The following EFTUD2 variants were observed in gnomAD, a reference collection of about 807,000 sequenced individuals.
The protein encoded by EFTUD2 is 116 kDa U5 small nuclear ribonucleoprotein component.
In EFTUD2, 9 loss-of-function variants were observed where a neutral mutation model predicts 114.3. The ratio of observed to expected loss-of-function variants is 0.08; its 90% confidence interval spans 0.05 to 0.14. The LOEUF (loss-of-function observed/expected upper bound fraction) is 0.14, where lower values mean the gene tolerates loss of function less well. Among genes scored for constraint, EFTUD2 ranks in the 10% least tolerant of loss-of-function variants. EFTUD2 has a pLI of 1.00. For missense variants in EFTUD2, 765 were observed against 1,241.2 expected (o/e 0.62, Z 5.76); for synonymous variants, 449 against 462.3 (o/e 0.97, Z 0.37).
intron 13 of EFTUD2, among the ~76,000 whole-genome samples, chr17:44,867,192 T>C (rs2050761437): frequency 6.6e-6 from 1 of 152,182 alleles, no homozygotes; most frequent in African/African-American, 2.4e-5. Flanking sequence ...TTTCCGTAAC[T>C]GAAATGATTA....
chr17:44,875,889 C>T (rs1346727886), intron 10 of EFTUD2, 45 bp downstream of exon 10: 5 of 1,596,616 alleles, frequency 3.1e-6, no homozygotes, highest in Non-Finnish European at 4.3e-6. Context: ...GGGTTAAAAC[C>T]CAGAGCCTCC....
At chr17:44,859,837 G>C in intron 18 of EFTUD2, 68 bp downstream of exon 18, 1 of 1,605,182 alleles carries the variant, frequency 6.2e-7, no homozygotes. Flanking sequence ...GATGGGAAGC[G>C]GTGTGCAGCT....
chr17:44,881,489 C>T (rs1338931069), intron 7 of EFTUD2, among the ~76,000 whole-genome samples, 198 bp downstream of exon 7: 1 of 152,236 alleles, frequency 6.6e-6, no homozygotes, highest in Non-Finnish European at 1.5e-5. Flanking sequence ...TCCTAACCTA[C>T]AGCTTGCCTA....
Position 44,851,157 on chromosome 17 carries a change from A to G in EFTUD2, c.*117T>C. 5 of 835,272 alleles carry G rather than the reference A, an allele frequency of 6.0e-6. No individual in the cohort carries two copies. Among genetic ancestry groups the G allele is most frequent in the Non-Finnish European group, 1.0e-5 (5 of 497,322 alleles). The allele number at this position is 835,272 out of a possible 1,614,324, so 51.7% of individuals were successfully genotyped here. ...GGTTGGTGAGTTGTTCAAGATGGCA[A>G]CAGCAGCTTCCAGACACTCTCTGAC... On this transcript the variant is annotated 3_prime_UTR_variant, in exon 28 of 28. Coordinates refer to ENST00000426333, the MANE Select transcript of EFTUD2 (RefSeq NM_004247.4).
intron 23 of EFTUD2, chr17:44,853,863 G>A (rs2050499966): frequency 7.1e-7 from 1 of 1,401,532 alleles, no homozygotes; most frequent in Non-Finnish European, 9.3e-7. Flanking sequence ...CTCAGACTTA[G>A]AGCTTTCCTA....
Position 44,864,912 on chromosome 17 carries a change from C to T in EFTUD2, c.1285+18G>A, listed in dbSNP as rs752027432. Reference sequence around the variant, plus strand: ...GCACGAGGATGACAGAGTTAAGGGGCCACGAGCACATTATTACCTGTGAAC... The same window carrying T: ...GCACGAGGATGACAGAGTTAAGGGGTCACGAGCACATTATTACCTGTGAAC... On this transcript the variant is annotated intron_variant, in intron 14 of 27. Transcript: ENST00000426333. 9 of 1,612,604 alleles carry T rather than the reference C, an allele frequency of 5.6e-6. No homozygotes were observed. The highest frequency in any genetic ancestry group is 3.3e-5 in the South Asian group (3 of 90,956).
At chr17:44,870,160 T>C (rs1381599672) in intron 11 of EFTUD2, among the ~76,000 whole-genome samples, 2 of 152,180 alleles carry the variant, frequency 1.3e-5, no homozygotes, top group African/African-American at 4.8e-5. Context: ...GCCCAGCCCA[T>C]AGCTAGCTCT....
At chr17:44,875,387 G>A (rs559833523) in intron 10 of EFTUD2, among the ~76,000 whole-genome samples, 2 of 151,966 alleles carry the variant, frequency 1.3e-5, no homozygotes, top group Non-Finnish European at 2.9e-5. Context: ...AAAATTAGCC[G>A]GGCGTGGTGA....
chr17:44,886,474 T>C (rs2051175177), intron 3 of EFTUD2, 111 bp downstream of exon 3: 1 of 1,514,676 alleles, frequency 6.6e-7, no homozygotes, highest in South Asian at 1.3e-5. Context: ...TACCTGAAGG[T>C]AGTAAAGAAA....
At chr17:44,857,433 A>C (rs1173743790) in intron 19 of EFTUD2, 7 of 369,116 alleles carry the variant, frequency 1.9e-5, no homozygotes, top group African/African-American at 1.5e-4. Flanking sequence ...CTTCAAAGGT[A>C]GCTCTCAGCA....
At chr17:44,875,433 G>C (rs1410492505) in intron 10 of EFTUD2, among the ~76,000 whole-genome samples, 1 of 152,106 alleles carries the variant, frequency 6.6e-6, no homozygotes, top group Non-Finnish European at 1.5e-5. Context: ...GAGAGGCTGA[G>C]GCAGGAGAAT....
intron 13 of EFTUD2, among the ~76,000 whole-genome samples, chr17:44,866,753 G>C (rs1015435197): frequency 6.6e-6 from 1 of 152,176 alleles, no homozygotes; most frequent in Non-Finnish European, 1.5e-5. Context: ...AGATTAATGA[G>C]CATAACTGAC....
chr17:44,859,916 G>C lies in EFTUD2; in HGVS notation c.1849C>G (p.Leu617Val), dbSNP rs1555565353. ...GGCCATGGGCATACCTTGGTGGTGA[G>C]GGATGGATAGCTCTTGTTGACCTTG... ...LRKVNKSYPSLTTKVEESGEH... is the reference protein window; with the variant it reads ...LRKVNKSYPSVTTKVEESGEH... Residue 617 changes from leucine to valine, a missense_variant, in exon 18 of 28, where the codon CTC (leucine) becomes GTC (valine). Transcript: ENST00000426333. 4 of 1,614,204 alleles carry C rather than the reference G, an allele frequency of 2.5e-6. No individual in the cohort carries two copies. Among genetic ancestry groups the C allele is most frequent in the Non-Finnish European group, 3.4e-6 (4 of 1,180,050 alleles).
intron 2 of EFTUD2, chr17:44,894,137 A>G: frequency 3.3e-6 from 1 of 306,122 alleles, no homozygotes. Context: ...GCAGTTTGGG[A>G]GGCCAAGGCA....
intron 18 of EFTUD2, 30 bp downstream of exon 18, chr17:44,859,875 C>T: frequency 6.2e-7 from 1 of 1,613,502 alleles, no homozygotes; most frequent in Non-Finnish European, 8.5e-7. Context: ...GATAGTGGGG[C>T]TTGGCGGCTG....
At chr17:44,875,728 C>T (rs2050935767) in intron 10 of EFTUD2, 1 of 463,142 alleles carries the variant, frequency 2.2e-6, no homozygotes, top group Non-Finnish European at 3.8e-6. Context: ...GAAATTAATA[C>T]AGCCCAAGTA....
chr17:44,898,734 A>C (rs904686465), intron 1 of EFTUD2, among the ~76,000 whole-genome samples: 1 of 151,992 alleles, frequency 6.6e-6, no homozygotes, highest in Non-Finnish European at 1.5e-5. Flanking sequence ...TCCCACTTTC[A>C]CTGTTTTATT....
At chr17:44,894,103 T>G (rs923006190) in intron 2 of EFTUD2, 2 of 230,212 alleles carry the variant, frequency 8.7e-6, no homozygotes, top group Non-Finnish European at 8.4e-6. Context: ...GGGCTGGGCA[T>G]GGTGGCTCAT....
At position 44,855,022 on chromosome 17, in the gene EFTUD2, G is replaced by A. The variant is rs750101452; in HGVS notation, c.2046-18C>T. ...TCTTGTTCCTGGTCAGAATGGAAAT[G>A]GGTGGTAAGGACGGCTAACAGAACA... On this transcript the variant is annotated intron_variant, in intron 20 of 27. Transcript: ENST00000426333. 43 of 1,606,476 alleles carry A rather than the reference G, an allele frequency of 2.7e-5. No homozygotes were observed. The highest frequency in any genetic ancestry group is 1.6e-4 in the East Asian group (7 of 44,840).
Sources: allele counts gnomAD v4.1 joint callset (sites outside exome capture counted in the v4.1 genomes callset), GRCh38; gene constraint gnomAD v4.1.1; transcripts MANE v1.5; gene names NCBI Gene and HGNC (gene_info 2026-07-23, HGNC 2026-07-21).